NHSL3: variants seen among roughly 807,000 people sequenced by gnomAD.
The protein encoded by NHSL3 is NHS like 3, also known as NHS-like protein 3.
At chr1:32,754,226 A>C in the NHSL3 span, 2 of 702,740 alleles carry the variant, frequency 2.8e-6, no homozygotes, top group Non-Finnish European at 5.3e-6. Context: ...GAGGGTCCCT[A>C]CTGCGGTCGT....
At chr1:32,763,228 C>T in the NHSL3 span, among the ~76,000 whole-genome samples, 1 of 152,086 alleles carries the variant, frequency 6.6e-6, no homozygotes, top group Admixed American at 6.6e-5. Context: ...AAGTGATCCA[C>T]CTGCCTCAGC....
chr1:32,753,214 G>A, the NHSL3 span, among the ~76,000 whole-genome samples: 3 of 152,120 alleles, frequency 2.0e-5, no homozygotes, highest in East Asian at 3.9e-4. Flanking sequence ...GCCGGGTGGT[G>A]TGGCTCACGC....
At chr1:32,770,653 C>G in the NHSL3 span, 1 of 1,524,504 alleles carries the variant, frequency 6.6e-7, no homozygotes, top group Non-Finnish European at 8.8e-7. This position sits in a 1 kb window ranked among gnomAD's most constrained non-coding sequence, Gnocchi z 8.3. Context: ...TGTGTCCCTG[C>G]GTAAGCTGAA....
chr1:32,749,412 A>G, the NHSL3 span, among the ~76,000 whole-genome samples: 23 of 152,160 alleles, frequency 1.5e-4, no homozygotes, highest in African/African-American at 4.8e-4. Flanking sequence ...GTAATGCTCC[A>G]GTATGGGCCC....
the NHSL3 span, among the ~76,000 whole-genome samples, chr1:32,759,279 C>G: frequency 7.2e-5 from 11 of 152,316 alleles, 1 homozygote; most frequent in African/African-American, 2.6e-4. Context: ...CATCCAAGGC[C>G]TGGAATCCAG....
chr1:32,760,351 TGGA>T, the NHSL3 span, among the ~76,000 whole-genome samples: 1 of 152,124 alleles, frequency 6.6e-6, no homozygotes, highest in East Asian at 1.9e-4. Flanking sequence ...CCTCACCCCA[TGGA>T]GGATGTTGCC....
At chr1:32,770,569 C>T in the NHSL3 span, 1 of 1,524,444 alleles carries the variant, frequency 6.6e-7, no homozygotes, top group South Asian at 1.3e-5. This position sits in a 1 kb window ranked among gnomAD's most constrained non-coding sequence, Gnocchi z 8.3. Flanking sequence ...GAGGGGCTCT[C>T]CCAGTGGGGG....
At chr1:32,760,797 G>C in the NHSL3 span, among the ~76,000 whole-genome samples, 1 of 152,070 alleles carries the variant, frequency 6.6e-6, no homozygotes, top group Non-Finnish European at 1.5e-5. Context: ...CACGGCGTTG[G>C]CCAGGCTGGT....
chr1:32,767,659 G>T, the NHSL3 span: 1 of 734,834 alleles, frequency 1.4e-6, no homozygotes, highest in Non-Finnish European at 2.3e-6. Context: ...ACTGGGGAAG[G>T]GGGCATTGCT....
the NHSL3 span, chr1:32,770,065 A>G: frequency 1.0e-5 from 16 of 1,565,104 alleles, no homozygotes; most frequent in African/African-American, 2.0e-4. The surrounding 1 kb of genome is among the most constrained non-coding windows in gnomAD (Gnocchi z 8.3). Context: ...GCAGCGCCAC[A>G]TTGACCGTGT....
chr1:32,742,302 G>A, the NHSL3 span: 8 of 1,068,480 alleles, frequency 7.5e-6, no homozygotes, highest in East Asian at 2.0e-4. Flanking sequence ...CCCAGGAGCT[G>A]GTGCTGGAAA....
chr1:32,765,510 G>A, the NHSL3 span: 1 of 800,408 alleles, frequency 1.2e-6, no homozygotes, highest in Non-Finnish European at 1.9e-6. Flanking sequence ...AGCACCCACG[G>A]ACTCCTGGCC....
chr1:32,771,804 T>A, the NHSL3 span: 1 of 1,612,932 alleles, frequency 6.2e-7, no homozygotes, highest in Non-Finnish European at 8.5e-7. Context: ...AGGACGTAGG[T>A]GCGCCCCTGG....
the NHSL3 span, among the ~76,000 whole-genome samples, chr1:32,767,035 G>A: frequency 1.3e-5 from 2 of 152,134 alleles, no homozygotes; most frequent in Non-Finnish European, 2.9e-5. Flanking sequence ...TCCACTAAGG[G>A]GCAGCCACAT....
chr1:32,754,433 A>T, the NHSL3 span, among the ~76,000 whole-genome samples: 2 of 151,578 alleles, frequency 1.3e-5, no homozygotes, highest in Non-Finnish European at 2.9e-5. Context: ...ACACGCAGAC[A>T]CAGGATCACA....
the NHSL3 span, chr1:32,768,814 T>C: frequency 3.8e-5 from 61 of 1,603,668 alleles, no homozygotes; most frequent in African/African-American, 9.4e-5. Flanking sequence ...GTGGGCTCCA[T>C]TGGGTCCCAG....
At chr1:32,752,932 CACACACACACACACACACATATATATAT>C in the NHSL3 span, among the ~76,000 whole-genome samples, 4 of 14,994 alleles carry the variant, frequency 2.7e-4, no homozygotes, top group African/African-American at 7.5e-4. Flanking sequence ...CACACACACA[CACACACACACACACACACATATATATAT>C]ATATATATTT....
At chr1:32,741,883 CGG>C in the NHSL3 span, 1 of 170,590 alleles carries the variant, frequency 5.9e-6, no homozygotes, top group Non-Finnish European at 1.2e-5. This position sits in a 1 kb window ranked among gnomAD's most constrained non-coding sequence, Gnocchi z 4.3. Context: ...CGCGCGTCCC[CGG>C]CGGCCGCCCC....
the NHSL3 span, among the ~76,000 whole-genome samples, chr1:32,754,354 T>C: frequency 6.6e-6 from 1 of 151,234 alleles, no homozygotes; most frequent in Non-Finnish European, 1.5e-5. Context: ...CGGTAATACC[T>C]ACGGGCGGGC....
Sources: gnomAD v4.1 joint callset for allele counts (sites outside exome capture counted in the v4.1 genomes callset) on GRCh38, gnomAD v4.1.1 for gene constraint, Gnocchi (gnomAD v3.1) non-coding constraint, MANE v1.5 for transcripts, NCBI Gene and HGNC (gene_info 2026-07-23, HGNC 2026-07-21) for gene names.